Variants in SDK1 observed in about 807,000 individuals in gnomAD.
The protein encoded by SDK1 is protein sidekick-1.
A neutral mutation model predicts 245.5 loss-of-function variants in SDK1; 157 were observed. That is an observed-to-expected ratio of 0.64 (90% CI 0.56 to 0.73). SDK1 has a LOEUF of 0.73. SDK1 is among the 30% of genes least tolerant of loss of function. The pLI, the probability that SDK1 is intolerant of heterozygous loss-of-function variation, is 0.00. For missense variants in SDK1, 3,583 were observed against 3,002.3 expected (o/e 1.19, Z -4.52); for synonymous variants, 1,647 against 1,278.5 (o/e 1.29, Z -6.15).
intron 1 of SDK1, among the ~76,000 whole-genome samples, chr7:3,434,948 A>G (rs1779975472): frequency 6.6e-6 from 1 of 152,186 alleles, no homozygotes; most frequent in South Asian, 2.1e-4. Flanking sequence ...TTCTAGAGGA[A>G]AGATGATGAA....
intron 14 of SDK1, among the ~76,000 whole-genome samples, chr7:4,003,903 A>C (rs1785263720): frequency 6.6e-6 from 1 of 152,200 alleles, no homozygotes; most frequent in Non-Finnish European, 1.5e-5. Flanking sequence ...CATTGCTCCA[A>C]GACAAGCTCA....
chr7:4,129,683 G>A lies in SDK1; in HGVS notation c.3940-225G>A, dbSNP rs112366350. 6,046 of 1,391,540 alleles carry A rather than the reference G, an allele frequency of 4.3e-3. 215 individuals carry two copies. The African/African-American group carries it at 0.078, about 18-fold the overall frequency. The allele number at this position is 1,391,540 out of a possible 1,614,324, so 86.2% of individuals were successfully genotyped here. On this transcript the variant is annotated intron_variant, in intron 26 of 44. Transcript: ENST00000404826. The stretch of plus-strand genomic sequence containing the variant: ...GACCAGGCAGCAGGCTCGCCAAGCC[G>A]TGGGCACTAACTCAAGCTCCCCTGG...
chr7:3,480,785 C>G (rs1049072480), intron 1 of SDK1, among the ~76,000 whole-genome samples: 1 of 152,310 alleles, frequency 6.6e-6, no homozygotes, highest in South Asian at 2.1e-4. Context: ...TGCAGGGAGC[C>G]TCTAGAAGCT....
rs1368488864 is a variant in SDK1 at position 3,619,089 on chromosome 7, C to A, written c.308C>A (p.Ala103Asp). The A allele has an allele frequency of 6.3e-7, 1 of 1,596,520 alleles. No homozygotes were observed. The highest frequency in any genetic ancestry group is 8.6e-7 in the Non-Finnish European group (1 of 1,168,546). ...TTTTTTAATATTTCAGATGATGTTG[C>A]TCCATATTTTAAAACGGAGCCAGGC... ...LLRALAQDDV[A>D]PYFKTEPGLP... Residue 103 changes from alanine (A) to aspartate (D), a missense_variant, in exon 2 of 45, where the codon GCT becomes GAT. Transcript: ENST00000404826.
intron 4 of SDK1, among the ~76,000 whole-genome samples, chr7:3,689,029 G>A (rs558504773): frequency 6.6e-6 from 1 of 152,308 alleles, no homozygotes; most frequent in South Asian, 2.1e-4. Context: ...TGTAAATAAA[G>A]TTTTATTGTA....
rs1302033632 is a variant in SDK1, at chr7:3,425,090, A to T, written c.298+123206A>T. ...AAATCTTGAGGCCTATGTTTTTTCA[A>T]ACTTGAGAGTCATACAGTTGCCAGC... is the stretch of plus-strand genomic sequence containing the variant. On this transcript the variant is annotated intron_variant, in intron 1 of 44. Coordinates refer to ENST00000404826, the MANE Select transcript of SDK1 (RefSeq NM_152744.4). Among the ~76,000 whole-genome samples the T allele has an allele frequency of 2.7e-5, 4 of 149,390 alleles. No homozygotes were observed. In the Admixed American group the frequency reaches 2.7e-4, roughly 10 times the overall value.
At chr7:3,487,638 C>A (rs1781740832) in intron 1 of SDK1, among the ~76,000 whole-genome samples, 1 of 150,726 alleles carries the variant, frequency 6.6e-6, no homozygotes, top group Non-Finnish European at 1.5e-5. Flanking sequence ...ACCTGTAGTC[C>A]CAGCTATTCG....
chr7:3,980,859 C>T (rs995825101), intron 13 of SDK1, among the ~76,000 whole-genome samples: 5 of 151,644 alleles, frequency 3.3e-5, no homozygotes, highest in African/African-American at 1.2e-4. Flanking sequence ...GAGAATTGCT[C>T]GAACTCAGGA....
At chr7:3,451,746 C>T (rs1005265916) in intron 1 of SDK1, among the ~76,000 whole-genome samples, 2 of 152,198 alleles carry the variant, frequency 1.3e-5, no homozygotes, top group Non-Finnish European at 2.9e-5. Context: ...TCTGCGTGAT[C>T]ACTTTCCATT....
At chr7:3,928,653 A>G (rs927373972) in intron 5 of SDK1, among the ~76,000 whole-genome samples, 11 of 152,160 alleles carry the variant, frequency 7.2e-5, no homozygotes, top group African/African-American at 1.7e-4. Flanking sequence ...TGGAATGCCA[A>G]TAATGGTAAG....
At chr7:3,696,955 C>G (rs1529659) in intron 4 of SDK1, among the ~76,000 whole-genome samples, 1 of 151,742 alleles carries the variant, frequency 6.6e-6, no homozygotes, top group South Asian at 2.1e-4. Flanking sequence ...AAAAATTCAT[C>G]TTGTTTATGG....
chr7:4,040,526 G>A (rs1043252962), intron 17 of SDK1, among the ~76,000 whole-genome samples: 4 of 152,150 alleles, frequency 2.6e-5, no homozygotes, highest in Admixed American at 6.5e-5. Flanking sequence ...TTTAATAGGC[G>A]AAAGAGAGAA....
intron 1 of SDK1, among the ~76,000 whole-genome samples, chr7:3,307,516 C>CATGATT (rs1261433058): frequency 6.6e-6 from 1 of 152,152 alleles, no homozygotes; most frequent in Non-Finnish European, 1.5e-5. Context: ...ATACAAAAAT[C>CATGATT]ATGATTATTA....
intron 5 of SDK1, among the ~76,000 whole-genome samples, chr7:3,864,618 G>C (rs1225627266): frequency 6.6e-6 from 1 of 152,164 alleles, no homozygotes. Flanking sequence ...CCAAGGACGT[G>C]AGGGGCACAG....
chr7:4,014,574 G>A (rs1326081231), intron 16 of SDK1, among the ~76,000 whole-genome samples: 1 of 152,198 alleles, frequency 6.6e-6, no homozygotes. Flanking sequence ...GAGGCACAAT[G>A]CAAGGAAAGC....
chr7:3,931,258 G>T (rs1779967642), intron 5 of SDK1, among the ~76,000 whole-genome samples: 1 of 152,174 alleles, frequency 6.6e-6, no homozygotes, highest in Non-Finnish European at 1.5e-5. Flanking sequence ...CTTAAAAGTG[G>T]TAGTACCCAG....
intron 1 of SDK1, among the ~76,000 whole-genome samples, chr7:3,376,783 A>T (rs931190052): frequency 6.6e-6 from 1 of 152,108 alleles, no homozygotes; most frequent in Admixed American, 6.5e-5. Flanking sequence ...ACACACAGAA[A>T]GATGTGTATA....
chr7:3,869,106 A>G (rs1780894827), intron 5 of SDK1, among the ~76,000 whole-genome samples: 1 of 151,854 alleles, frequency 6.6e-6, no homozygotes, highest in South Asian at 2.1e-4. Context: ...CCCCCAAAAA[A>G]GAGGAAACTA....
intron 1 of SDK1, among the ~76,000 whole-genome samples, chr7:3,407,855 A>G (rs1261531649): frequency 3.3e-5 from 5 of 152,118 alleles, no homozygotes. Flanking sequence ...CCACTTACTG[A>G]GTGACTAGCA....
Sources: gnomAD v4.1 joint callset for allele counts (sites outside exome capture counted in the v4.1 genomes callset) on GRCh38, gnomAD v4.1.1 for gene constraint, MANE v1.5 for transcripts, NCBI Gene and HGNC (gene_info 2026-07-23, HGNC 2026-07-21) for gene names.